Variants in PTPRG observed in about 807,000 individuals in gnomAD.
PTPRG encodes the protein protein tyrosine phosphatase receptor type G, also known as receptor-type tyrosine-protein phosphatase gamma.
In PTPRG, 102 loss-of-function variants were observed where a neutral mutation model predicts 165.3. The observed-to-expected ratio is 0.62, with a 90% CI of 0.53 to 0.73. The LOEUF (loss-of-function observed/expected upper bound fraction) is 0.73, where lower values mean the gene tolerates loss of function less well. PTPRG is among the 30% of genes least tolerant of loss of function. The pLI is 0.00. For synonymous variants in PTPRG, 675 were observed against 669.5 expected (o/e 1.01, Z -0.13); for missense variants, 1,866 against 1,861.4 (o/e 1.00, Z -0.05).
At chr3:61,875,645 GCA>G (rs1040530245) in intron 2 of PTPRG, among the ~76,000 whole-genome samples, 2 of 151,810 alleles carry the variant, frequency 1.3e-5, no homozygotes, top group African/African-American at 4.8e-5. Context: ...ATGCACATGC[GCA>G]CACACACACG....
intron 2 of PTPRG, among the ~76,000 whole-genome samples, chr3:61,962,341 TA>T (rs1240363320): frequency 3.9e-5 from 6 of 152,194 alleles, no homozygotes; most frequent in South Asian, 2.1e-4. Flanking sequence ...GGTAGTCAGG[TA>T]GTCAGGTTCA....
intron 8 of PTPRG, among the ~76,000 whole-genome samples, chr3:62,179,574 C>G (rs1299675608): frequency 6.6e-6 from 1 of 152,240 alleles, no homozygotes; most frequent in African/African-American, 2.4e-5. Flanking sequence ...TTTTCACCCA[C>G]CAGCTGCTCT....
At chr3:61,580,420 C>G (rs1700262316) in intron 1 of PTPRG, among the ~76,000 whole-genome samples, 1 of 138,926 alleles carries the variant, frequency 7.2e-6, no homozygotes, top group African/African-American at 2.7e-5. Flanking sequence ...CTTGCTCTGT[C>G]TCCAGGCTGG....
intron 2 of PTPRG, among the ~76,000 whole-genome samples, chr3:61,901,612 G>A (rs867617478): frequency 6.6e-6 from 1 of 152,200 alleles, no homozygotes; most frequent in African/African-American, 2.4e-5. Context: ...ACAGAGAAGT[G>A]TTCTTGTTTT....
intron 5 of PTPRG, among the ~76,000 whole-genome samples, chr3:62,119,855 C>G (rs1337046691): frequency 1.4e-5 from 2 of 143,702 alleles, no homozygotes; most frequent in African/African-American, 2.6e-5. Flanking sequence ...AGGATGGTCT[C>G]GATCTCCTGA....
intron 2 of PTPRG, among the ~76,000 whole-genome samples, chr3:61,937,567 C>T (rs775507992): frequency 1.3e-5 from 2 of 152,178 alleles, no homozygotes; most frequent in Non-Finnish European, 2.9e-5. Context: ...TAATGTAAAA[C>T]CAACTTTACT....
chr3:61,909,186 C>G (rs2038736374), intron 2 of PTPRG, among the ~76,000 whole-genome samples: 1 of 152,140 alleles, frequency 6.6e-6, no homozygotes, highest in South Asian at 2.1e-4. Flanking sequence ...ATTCAAAGAT[C>G]AGCTACTGAG....
intron 2 of PTPRG, among the ~76,000 whole-genome samples, chr3:61,867,784 C>T (rs12631228): frequency 0.12 from 18,024 of 152,210 alleles, 1,630 homozygotes; most frequent in East Asian, 0.48. Flanking sequence ...CATAGGACGT[C>T]CCTTACGGAA....
intron 2 of PTPRG, among the ~76,000 whole-genome samples, chr3:61,887,221 G>A (rs1230944301): frequency 7.1e-6 from 1 of 140,980 alleles, no homozygotes; most frequent in Non-Finnish European, 1.5e-5. Context: ...GACAATTTCA[G>A]CCCTTGGTGA....
At chr3:61,860,600 A>G (rs1559653729) in intron 2 of PTPRG, among the ~76,000 whole-genome samples, 1 of 151,712 alleles carries the variant, frequency 6.6e-6, no homozygotes, top group African/African-American at 2.4e-5. Context: ...ACCAGCACTC[A>G]CCGGCTAATT....
intron 4 of PTPRG, among the ~76,000 whole-genome samples, chr3:62,058,283 G>C (rs563573096): frequency 6.6e-6 from 1 of 152,092 alleles, no homozygotes; most frequent in African/African-American, 2.4e-5. Flanking sequence ...GTTGCCTTAC[G>C]GTGGGAAGGA....
At chr3:61,603,259 A>G (rs966607039) in intron 1 of PTPRG, among the ~76,000 whole-genome samples, 1 of 152,322 alleles carries the variant, frequency 6.6e-6, no homozygotes. Context: ...GTAATTCAGC[A>G]TGCTGGAGGT....
At chr3:61,873,096 T>C (rs1221109237) in intron 2 of PTPRG, among the ~76,000 whole-genome samples, 1 of 152,172 alleles carries the variant, frequency 6.6e-6, no homozygotes, top group Non-Finnish European at 1.5e-5. Context: ...GCTGTATATA[T>C]TCAGTAAAGT....
Position 62,243,877 on chromosome 3 carries a change from A to AT in PTPRG, c.2447dup (p.Ile818TyrfsTer7). 1 of 1,552,394 alleles carries AT rather than the reference A, an allele frequency of 6.4e-7. No homozygotes were observed. The highest frequency in any genetic ancestry group is 8.9e-7 in the Non-Finnish European group (1 of 1,124,956). ...ACCTCGAGTGGTCCCTAATGAAAGTATCCCTATTATTCCTATTCCGGGTAA... is the reference window on the plus strand; with the variant it reads ...ACCTCGAGTGGTCCCTAATGAAAGTATTCCCTATTATTCCTATTCCGGGTAA... On this transcript the variant is annotated frameshift_variant, in exon 15 of 30. Transcript: ENST00000474889. LOFTEE classifies it high-confidence loss of function.
rs1701146571 is a variant in PTPRG, at chr3:61,610,795, ATCTC to A, written c.85+48427_85+48430del. ...CCTACCTCCCTCCCTCTCTCTCTCC[ATCTC>A]TCTTTCTCTATCTCTCTCTTTGTTT... On this transcript the variant is annotated intron_variant, in intron 1 of 29. Coordinates refer to ENST00000474889, the MANE Select transcript of PTPRG (RefSeq NM_002841.4). 3.4e-5 allele frequency among the ~76,000 whole-genome samples: 3 copies of A among 86,996 alleles called. No individual in the cohort carries two copies. In the Admixed American group the frequency reaches 5.4e-4, roughly 16 times the overall value. 57.1% of individuals were successfully genotyped at this position (86,996 alleles called of 152,430 possible). A position where few individuals can be genotyped will look rare whatever the true frequency, so the allele number is the denominator to read the frequency against.
chr3:62,018,273 C>T (rs1285979924), intron 4 of PTPRG, among the ~76,000 whole-genome samples: 2 of 152,172 alleles, frequency 1.3e-5, no homozygotes, highest in South Asian at 2.1e-4. Flanking sequence ...TTCGTTCATT[C>T]CTTATTACTG....
In PTPRG at chr3:62,198,618, T is replaced by A. The variant is rs568251742; in HGVS notation, c.1328-2887T>A. ...TACACAGGAAAGGAACCAATTATAT[T>A]CAATACAGTTGTCAAAATATTTTAA... On this transcript the variant is annotated intron_variant, in intron 10 of 29. Coordinates refer to ENST00000474889, the MANE Select transcript of PTPRG (RefSeq NM_002841.4). 2.0e-5 allele frequency among the ~76,000 whole-genome samples: 3 copies of A among 152,304 alleles called. No homozygotes were observed. The East Asian group carries it at 5.8e-4, about 29-fold the overall frequency.
intron 13 of PTPRG, among the ~76,000 whole-genome samples, chr3:62,220,039 CA>C (rs1400082258): frequency 6.6e-6 from 1 of 152,150 alleles, no homozygotes; most frequent in Non-Finnish European, 1.5e-5. Flanking sequence ...AGGAGGGAAC[CA>C]AATGGGCTCC....
intron 2 of PTPRG, among the ~76,000 whole-genome samples, chr3:61,766,989 A>T (rs1046626284): frequency 6.6e-6 from 1 of 151,802 alleles, no homozygotes; most frequent in African/African-American, 2.4e-5. Context: ...CAGGCCTGTA[A>T]TACCAGCACT....
Sources: allele counts gnomAD v4.1 joint callset (sites outside exome capture counted in the v4.1 genomes callset), GRCh38; gene constraint gnomAD v4.1.1; transcripts MANE v1.5; gene names NCBI Gene and HGNC (gene_info 2026-07-23, HGNC 2026-07-21).